RXFP1: variants seen among roughly 807,000 people sequenced by gnomAD.
RXFP1 encodes the protein relaxin family peptide receptor 1.
RXFP1 carries 73 observed loss-of-function variants against 89.8 expected under a neutral mutation model. The ratio of observed to expected loss-of-function variants is 0.81; its 90% CI spans 0.67 to 0.99. RXFP1 has a LOEUF of 0.99. Among genes scored for constraint, RXFP1 ranks in the 50% least tolerant of loss-of-function variants. The pLI is 0.00. For missense variants in RXFP1, 793 were observed against 895.5 expected, an observed-to-expected ratio of 0.89 and a Z score of 1.46; for synonymous variants, 277 against 305.5, an observed-to-expected ratio of 0.91 and a Z score of 0.97.
chr4:158,524,060 T>G (rs1027831368), intron 1 of RXFP1, among the ~76,000 whole-genome samples: 13 of 152,228 alleles, frequency 8.5e-5, no homozygotes, highest in African/African-American at 2.9e-4. Context: ...GAAATGGCAA[T>G]CAAATCCTTT....
At chr4:158,539,818 C>T (rs1746164197) in intron 1 of RXFP1, among the ~76,000 whole-genome samples, 1 of 152,144 alleles carries the variant, frequency 6.6e-6, no homozygotes, top group Non-Finnish European at 1.5e-5. Flanking sequence ...ACTCTAACAG[C>T]CTCTAAATGC....
intron 12 of RXFP1, 119 bp from the exon 13 acceptor site, chr4:158,637,884 CCATTA>C: frequency 1.6e-6 from 1 of 635,846 alleles, no homozygotes; most frequent in South Asian, 1.8e-5. Flanking sequence ...AGTCTTTCAT[CCATTA>C]CGAGTTATTG....
chr4:158,581,134 T>C (rs1194405029), intron 2 of RXFP1, among the ~76,000 whole-genome samples: 2 of 152,248 alleles, frequency 1.3e-5, no homozygotes, highest in Non-Finnish European at 2.9e-5. Context: ...CTCCTAGGAA[T>C]ATTTGGTTTT....
intron 2 of RXFP1, among the ~76,000 whole-genome samples, chr4:158,590,311 T>G (rs1216355774): frequency 6.6e-6 from 1 of 152,078 alleles, no homozygotes; most frequent in Non-Finnish European, 1.5e-5. Flanking sequence ...ACTACAGGCA[T>G]GTATCACCAT....
chr4:158,564,880 C>G (rs1353430791), intron 1 of RXFP1, among the ~76,000 whole-genome samples: 2 of 152,172 alleles, frequency 1.3e-5, no homozygotes, highest in African/African-American at 4.8e-5. Context: ...TTGTTTTTTA[C>G]TTTCCCAACG....
At position 158,647,124 on chromosome 4, in the gene RXFP1, A is replaced by G. The variant is rs751614435; in HGVS notation, c.1679A>G (p.Asn560Ser). The part of the protein sequence containing the change: ...KEFFKNYYGT[N>S]GVCFPLHSED... ...TTTTTCAAAAACTACTATGGCACCA[A>G]TGGAGTATGCTTCCCTCTTCATTCA... The change falls in exon 16 of 18, where the codon AAT becomes AGT. Residue 560 changes from asparagine (N) to serine (S), a missense_variant. Coordinates refer to ENST00000307765, the MANE Select transcript of RXFP1 (RefSeq NM_021634.4). 3.7e-6 allele frequency: 6 copies of G among 1,614,008 alleles called. No individual in the cohort carries two copies. The highest frequency in any genetic ancestry group is 1.1e-5 in the South Asian group (1 of 91,084).
At chr4:158,608,994 C>G (rs573097598) in intron 6 of RXFP1, among the ~76,000 whole-genome samples, 2 of 152,220 alleles carry the variant, frequency 1.3e-5, no homozygotes, top group African/African-American at 4.8e-5. Flanking sequence ...GAATAATAGT[C>G]CATTGTATTT....
Position 158,525,117 on chromosome 4 carries a change from A to G in RXFP1, c.49+3092A>G, listed in dbSNP as rs938999243. Among the ~76,000 whole-genome samples, 5 of 152,304 alleles carry G rather than the reference A, an allele frequency of 3.3e-5. No homozygotes were observed. The East Asian group carries it at 9.6e-4, about 29-fold the overall frequency. On this transcript the variant is annotated intron_variant, in intron 1 of 17. Coordinates refer to ENST00000307765, the MANE Select transcript of RXFP1 (RefSeq NM_021634.4). Reference sequence around the variant, plus strand: ...ACCATTAGCTTGGTTAGTACGTGGAAAAAGAGAATGTTCGCATATTTATCC... The same window carrying G: ...ACCATTAGCTTGGTTAGTACGTGGAGAAAGAGAATGTTCGCATATTTATCC...
chr4:158,652,964 A>ATGTT lies in RXFP1; in HGVS notation c.*910_*913dup, dbSNP rs931802609. On this transcript the variant is annotated 3_prime_UTR_variant, in exon 18 of 18. Coordinates refer to ENST00000307765, the MANE Select transcript of RXFP1 (RefSeq NM_021634.4). ...TAATTCACCCACTTTAGATGGGTGA[A>ATGTT]TGTTATGGTGTGTGAAATATCTCAG... 2 of 152,216 alleles carry ATGTT rather than the reference A, an allele frequency of 1.3e-5. No individual in the cohort carries two copies. The highest frequency in any genetic ancestry group is 2.4e-5 in the African/African-American group (1 of 41,466). 9.4% of individuals were successfully genotyped at this position (152,216 alleles called of 1,614,324 possible). A position where few individuals can be genotyped will look rare whatever the true frequency, so the allele number is the denominator to read the frequency against.
intron 13 of RXFP1, 86 bp downstream of exon 13, chr4:158,638,165 T>C (rs1769584729): frequency 1.3e-6 from 1 of 748,488 alleles, no homozygotes. Flanking sequence ...TTACTTCAAA[T>C]CATAAGCTTT....
rs1418614145 is a variant in RXFP1, at chr4:158,652,633, C to T, written c.*578C>T. On this transcript the variant is annotated 3_prime_UTR_variant, in exon 18 of 18. Coordinates refer to ENST00000307765, the MANE Select transcript of RXFP1 (RefSeq NM_021634.4). ...CTTTAAGTTTCCATACACTTGAGAG[C>T]CAACACAACATATTTATTACTAAAA... 1 of 152,192 alleles carries T rather than the reference C, an allele frequency of 6.6e-6. No homozygotes were observed. The highest frequency in any genetic ancestry group is 2.4e-5 in the African/African-American group (1 of 41,448). 9.4% of individuals were successfully genotyped at this position (152,192 alleles called of 1,614,324 possible).
At chr4:158,610,914 T>G (rs1039040674) in intron 6 of RXFP1, among the ~76,000 whole-genome samples, 3 of 152,184 alleles carry the variant, frequency 2.0e-5, no homozygotes, top group African/African-American at 7.2e-5. Context: ...GGAGAAATTC[T>G]ACAGGATGTT....
chr4:158,590,260 G>A (rs1759163688), intron 2 of RXFP1, among the ~76,000 whole-genome samples: 1 of 152,090 alleles, frequency 6.6e-6, no homozygotes, highest in South Asian at 2.1e-4. Flanking sequence ...TGCCCCACAA[G>A]TTCAAGCGAT....
At chr4:158,622,472 T>G (rs1250617651) in intron 9 of RXFP1, among the ~76,000 whole-genome samples, 1 of 152,174 alleles carries the variant, frequency 6.6e-6, no homozygotes, top group African/African-American at 2.4e-5. Context: ...TCAACCTTAG[T>G]GTCCAATGAC....
chr4:158,586,171 T>G, intron 2 of RXFP1, among the ~76,000 whole-genome samples: 1 of 152,240 alleles, frequency 6.6e-6, no homozygotes, highest in Middle Eastern at 3.2e-3. Context: ...GCCCCAGCTC[T>G]CAGTTTTTAT....
chr4:158,605,091 G>A lies in RXFP1; in HGVS notation c.416G>A (p.Arg139Lys). ...AGGTCACTTCAGTGGAACTTAATAA[G>A]AAAGCTTCCTCCTGATTGCTTCAAG... ...TAMSLQWNLI[R>K]KLPPDCFKNY... Residue 139 changes from arginine to lysine, a missense_variant, in exon 5 of 18, where the codon AGA (arginine) becomes AAA (lysine). Physicochemically the swap from Arg to Lys is conservative, Grantham distance 26. Coordinates refer to ENST00000307765, the MANE Select transcript of RXFP1 (RefSeq NM_021634.4). 1 of 1,589,794 alleles carries A rather than the reference G, an allele frequency of 6.3e-7. No individual in the cohort carries two copies. Among genetic ancestry groups the A allele is most frequent in the Non-Finnish European group, 8.6e-7 (1 of 1,162,654 alleles).
At chr4:158,530,092 T>G (rs886917065) in intron 1 of RXFP1, among the ~76,000 whole-genome samples, 1 of 152,160 alleles carries the variant, frequency 6.6e-6, no homozygotes, top group African/African-American at 2.4e-5. Context: ...TTGCAGCCAT[T>G]TAAACAGATA....
chr4:158,582,915 C>T (rs1409319558), intron 2 of RXFP1, among the ~76,000 whole-genome samples: 1 of 152,136 alleles, frequency 6.6e-6, no homozygotes, highest in East Asian at 1.9e-4. Flanking sequence ...TTTGGTCTTC[C>T]ATATCTATTG....
intron 2 of RXFP1, among the ~76,000 whole-genome samples, chr4:158,588,480 C>T (rs1052429103): frequency 1.3e-5 from 2 of 152,150 alleles, no homozygotes; most frequent in East Asian, 1.9e-4. Flanking sequence ...CGACTGACAA[C>T]GGAGACAGCT....
Sources: allele counts gnomAD v4.1 joint callset (sites outside exome capture counted in the v4.1 genomes callset), GRCh38; gene constraint gnomAD v4.1.1; transcripts MANE v1.5; gene names NCBI Gene and HGNC (gene_info 2026-07-23, HGNC 2026-07-21).